ABI3BP: variants seen among roughly 807,000 people sequenced by gnomAD.
ABI3BP encodes the protein ABI family member 3 binding protein.
Under a neutral mutation model 268.6 loss-of-function variants are expected in ABI3BP, and 216 were observed. That is an observed-to-expected ratio of 0.80 (90% confidence interval 0.72 to 0.90). The LOEUF (loss-of-function observed/expected upper bound fraction) is 0.90. ABI3BP is among the 40% of genes least tolerant of loss of function. The pLI, the probability that ABI3BP is intolerant of heterozygous loss-of-function variation, is 0.00. For synonymous variants in ABI3BP, 730 were observed against 730.0 expected, an observed-to-expected ratio of 1.00 and a Z score of 0.00; for missense variants, 2,090 against 2,182.4, an observed-to-expected ratio of 0.96 and a Z score of 0.84.
chr3:100,952,510 A>G (rs1210472991), intron 1 of ABI3BP: 2 of 152,196 alleles, frequency 1.3e-5, no homozygotes, highest in Non-Finnish European at 2.9e-5. Context: ...CTCTAATTGT[A>G]ATTTGGTATA....
At chr3:100,993,242 T>A in intron 1 of ABI3BP, 64 bp downstream of exon 1, 1 of 1,180,316 alleles carries the variant, frequency 8.5e-7, no homozygotes, top group South Asian at 1.4e-5. Context: ...ATATTTAAAA[T>A]CAACATTTAA....
intron 9 of ABI3BP, among the ~76,000 whole-genome samples, chr3:100,867,656 A>AG (rs1293338756): frequency 4.0e-5 from 6 of 151,304 alleles, no homozygotes; most frequent in Non-Finnish European, 8.8e-5. Flanking sequence ...AAAAAAAAAA[A>AG]AAAAAGAAAA....
intron 20 of ABI3BP, 53 bp from the exon 21 acceptor site, chr3:100,842,092 A>G: frequency 7.1e-7 from 1 of 1,401,696 alleles, no homozygotes; most frequent in South Asian, 1.2e-5. Context: ...ACCATCTGAG[A>G]TAGAAGTGAC....
intron 2 of ABI3BP, among the ~76,000 whole-genome samples, chr3:100,918,312 C>A (rs1016056053): frequency 2.0e-5 from 3 of 151,312 alleles, no homozygotes; most frequent in African/African-American, 4.9e-5. Context: ...ACCCATCCAC[C>A]CGTCCACCTG....
intron 6 of ABI3BP, among the ~76,000 whole-genome samples, chr3:100,882,495 T>C (rs73137256): frequency 0.098 from 14,810 of 151,092 alleles, 1,018 homozygotes; most frequent in Non-Finnish European, 0.15. Context: ...CAATAAACCT[T>C]CTCAAAGAAG....
intron 37 of ABI3BP, 44 bp downstream of exon 37, chr3:100,823,414 C>A (rs765240451): frequency 1.2e-4 from 175 of 1,473,600 alleles, no homozygotes; most frequent in Non-Finnish European, 1.6e-4. Context: ...CTAGGTTTGA[C>A]AATAAGCAAA....
At chr3:100,916,519 C>A (rs1307768159) in intron 2 of ABI3BP, among the ~76,000 whole-genome samples, 1 of 152,162 alleles carries the variant, frequency 6.6e-6, no homozygotes, top group Non-Finnish European at 1.5e-5. Flanking sequence ...ATTTCTTAAC[C>A]TCTTGGGGAC....
In ABI3BP at chr3:100,938,601, CT is replaced by C. The variant is rs1252999502; in HGVS notation, c.80-12121del. On this transcript the variant is annotated intron_variant, in intron 1 of 67. Transcript: ENST00000471714. ...TCTTGTGTGTTAGTCCGTAAAATGA[CT>C]TTTTTCTTATCAAAGACAAGCTGAA... is the stretch of plus-strand genomic sequence containing the variant. Among the ~76,000 whole-genome samples the C allele has an allele frequency of 3.3e-5, 5 of 151,308 alleles. No homozygotes were observed. In the South Asian group the frequency reaches 6.3e-4, roughly 19 times the overall value.
At chr3:100,894,585 A>G (rs567912000) in intron 4 of ABI3BP, among the ~76,000 whole-genome samples, 2 of 152,284 alleles carry the variant, frequency 1.3e-5, no homozygotes, top group Admixed American at 6.5e-5. Context: ...GGGGGCGGAA[A>G]AAAGGCAAGA....
chr3:100,798,724 GAT>G (rs76420865), intron 51 of ABI3BP, among the ~76,000 whole-genome samples: 21,030 of 152,064 alleles, frequency 0.14, 1,889 homozygotes, highest in South Asian at 0.27. Flanking sequence ...TGAATGTTTT[GAT>G]AGAGTTAGAA....
rs1168394193 is a variant in ABI3BP at position 100,869,323 on chromosome 3, CTTTTTGGTTTT to C, written c.911-2378_911-2368del. On this transcript the variant is annotated intron_variant, in intron 9 of 67. Coordinates refer to ENST00000471714, the MANE Select transcript of ABI3BP (RefSeq NM_001375547.2). Reference sequence around the variant, plus strand: ...TACAGGCATATTGTTTTTTCTTCTTCTTTTTGGTTTTTTTTTTTTTTTTTTTTTTTTTTGAG... The same window carrying C: ...TACAGGCATATTGTTTTTTCTTCTTCTTTTTTTTTTTTTTTTTTTTTTGAG... Among the ~76,000 whole-genome samples, 138 of 75,646 alleles carry C rather than the reference CTTTTTGGTTTT, an allele frequency of 1.8e-3. 1 individual carries two copies. The highest frequency in any genetic ancestry group is 6.1e-3 in the African/African-American group (129 of 21,004). 49.6% of individuals were successfully genotyped at this position (75,646 alleles called of 152,430 possible). A position where few individuals can be genotyped will look rare whatever the true frequency, so the allele number is the denominator to read the frequency against.
intron 46 of ABI3BP, 80 bp from the exon 47 acceptor site, chr3:100,811,879 A>G (rs2097868773): frequency 2.0e-6 from 2 of 1,025,612 alleles, no homozygotes; most frequent in African/African-American, 3.2e-5. Flanking sequence ...TTAATTTAAA[A>G]ATAGAATTGA....
chr3:100,950,891 G>C (rs1159084996), intron 1 of ABI3BP, among the ~76,000 whole-genome samples: 1 of 151,522 alleles, frequency 6.6e-6, no homozygotes, highest in Non-Finnish European at 1.5e-5. Context: ...CTGTTTTATG[G>C]GGCTGAGGCC....
chr3:100,950,675 A>T (rs956872174), intron 1 of ABI3BP, among the ~76,000 whole-genome samples: 1 of 152,064 alleles, frequency 6.6e-6, no homozygotes, highest in African/African-American at 2.4e-5. Flanking sequence ...TGCTGGTCAA[A>T]CACTCTTTTC....
intron 57 of ABI3BP, among the ~76,000 whole-genome samples, chr3:100,784,859 T>C (rs1407786847): frequency 6.6e-6 from 1 of 152,124 alleles, no homozygotes; most frequent in Non-Finnish European, 1.5e-5. Context: ...CAGAGTGATA[T>C]ACCGAACTTT....
At chr3:100,829,442 C>A in intron 33 of ABI3BP, 139 bp downstream of exon 33, 1 of 645,160 alleles carries the variant, frequency 1.5e-6, no homozygotes, top group Non-Finnish European at 2.5e-6. Flanking sequence ...ATTTGGCTAC[C>A]ACGTCATCTC....
chr3:100,922,459 A>G (rs1295284989), intron 2 of ABI3BP, among the ~76,000 whole-genome samples: 1 of 152,150 alleles, frequency 6.6e-6, no homozygotes, highest in African/African-American at 2.4e-5. Flanking sequence ...TGAGCTTACT[A>G]CAATCACAAG....
At chr3:100,763,123 A>G (rs984652514) in intron 63 of ABI3BP, among the ~76,000 whole-genome samples, 1 of 152,150 alleles carries the variant, frequency 6.6e-6, no homozygotes, top group Admixed American at 6.5e-5. Context: ...ATCCTGATTT[A>G]GAAGGCCCTA....
chr3:100,899,862 A>C (rs938025699), intron 3 of ABI3BP, among the ~76,000 whole-genome samples: 2 of 152,234 alleles, frequency 1.3e-5, no homozygotes, highest in Non-Finnish European at 2.9e-5. Flanking sequence ...TGTGCTGTCT[A>C]ATGAAGTGGG....
Sources: allele counts gnomAD v4.1 joint callset (sites outside exome capture counted in the v4.1 genomes callset), GRCh38; gene constraint gnomAD v4.1.1; transcripts MANE v1.5; gene names NCBI Gene and HGNC (gene_info 2026-07-23, HGNC 2026-07-21).